OR51B5: variants seen among roughly 807,000 people sequenced by gnomAD.
OR51B5 encodes the protein olfactory receptor 51B5.
For missense variants in OR51B5, 456 were observed against 374.6 expected (o/e 1.22, Z -1.79); for synonymous variants, 186 against 144.8 (o/e 1.28, Z -2.04).
intron 1 of OR51B5, among the ~76,000 whole-genome samples, chr11:5,415,572 A>G (rs1313361113): frequency 1.3e-5 from 2 of 152,214 alleles, no homozygotes; most frequent in African/African-American, 4.8e-5. Flanking sequence ...AAATAGATGC[A>G]ATGAAAAATG....
chr11:5,421,756 A>G (rs1033077312), intron 1 of OR51B5, among the ~76,000 whole-genome samples: 1 of 152,240 alleles, frequency 6.6e-6, no homozygotes, highest in African/African-American at 2.4e-5. Context: ...CAAAAGTCAA[A>G]GGAGATATTT....
intron 1 of OR51B5, among the ~76,000 whole-genome samples, chr11:5,465,162 C>T (rs1157098755): frequency 2.1e-5 from 3 of 141,452 alleles, no homozygotes; most frequent in East Asian, 4.1e-4. Flanking sequence ...GCCGAGATCC[C>T]GCCACTGCAC....
chr11:5,386,497 C>T (rs1849697963), intron 1 of OR51B5, among the ~76,000 whole-genome samples: 1 of 152,224 alleles, frequency 6.6e-6, no homozygotes, highest in Non-Finnish European at 1.5e-5. Flanking sequence ...CTTTTCACAG[C>T]ATCTAAATCA....
intron 1 of OR51B5, among the ~76,000 whole-genome samples, chr11:5,449,874 A>G (rs1276061656): frequency 6.6e-6 from 1 of 152,196 alleles, no homozygotes; most frequent in Admixed American, 6.5e-5. Flanking sequence ...ACTGTAGATG[A>G]ACAATGAATA....
chr11:5,496,312 G>A (rs1424060615), intron 1 of OR51B5, among the ~76,000 whole-genome samples: 1 of 778 alleles, frequency 1.3e-3, no homozygotes, highest in Non-Finnish European at 4.0e-3. Context: ...TATCTCTTAT[G>A]CATTTCTGAG....
At chr11:5,342,543 T>G (rs374536180), downstream of OR51B5, 42 of 1,528,068 alleles carry the variant, frequency 2.7e-5, no homozygotes, top group Non-Finnish European at 3.7e-5. Context: ...TGCTAAATAT[T>G]AGAGTTTTTA....
intron 1 of OR51B5, chr11:5,403,157 TTATC>T (rs61459896): frequency 2.1e-6 from 1 of 471,090 alleles, no homozygotes; most frequent in East Asian, 6.9e-5. Flanking sequence ...CACCCCAATC[TTATC>T]TATCTTGTGG....
intron 1 of OR51B5, among the ~76,000 whole-genome samples, chr11:5,474,263 G>A (rs1851271314): frequency 6.6e-6 from 1 of 151,898 alleles, no homozygotes; most frequent in African/African-American, 2.4e-5. Context: ...TAAAATTATT[G>A]GTTGAGAAAA....
At chr11:5,382,089 C>T (rs1849616611) in intron 1 of OR51B5, among the ~76,000 whole-genome samples, 1 of 152,126 alleles carries the variant, frequency 6.6e-6, no homozygotes, top group African/African-American at 2.4e-5. Context: ...CTTTTTAAAC[C>T]CAACCATCAA....
At chr11:5,455,730 G>C (rs1850947847) in intron 1 of OR51B5, 1 of 152,052 alleles carries the variant, frequency 6.6e-6, no homozygotes, top group African/African-American at 2.4e-5. Context: ...TTTTCTCTTT[G>C]TATTGAGGAA....
intron 1 of OR51B5, among the ~76,000 whole-genome samples, chr11:5,460,878 G>A (rs1002156496): frequency 1.3e-5 from 2 of 152,220 alleles, no homozygotes; most frequent in Non-Finnish European, 2.9e-5. Context: ...CCTACATGCT[G>A]TAACCCTGGG....
chr11:5,420,985 C>T (rs922743711), intron 1 of OR51B5, among the ~76,000 whole-genome samples: 24 of 152,152 alleles, frequency 1.6e-4, no homozygotes, highest in Non-Finnish European at 2.4e-4. Context: ...ATCCCAGCTT[C>T]GGAGTACTTA....
chr11:5,432,476 T>C (rs1391620), intron 1 of OR51B5, among the ~76,000 whole-genome samples: 72,273 of 152,074 alleles, frequency 0.48, 18,636 homozygotes, highest in Non-Finnish European at 0.58. Flanking sequence ...GACATGAATG[T>C]AATAATACTA....
intron 1 of OR51B5, among the ~76,000 whole-genome samples, chr11:5,472,683 A>C (rs1186196542): frequency 6.6e-6 from 1 of 152,216 alleles, no homozygotes; most frequent in African/African-American, 2.4e-5. Flanking sequence ...GCTTGTCCTG[A>C]AGTGATCAAC....
chr11:5,402,765 G>A (rs1410499701), intron 1 of OR51B5: 1 of 471,448 alleles, frequency 2.1e-6, no homozygotes, highest in East Asian at 6.9e-5. Flanking sequence ...AACAGATATT[G>A]CCCTACATCA....
At chr11:5,447,900 C>T (rs376430990) in intron 1 of OR51B5, among the ~76,000 whole-genome samples, 65 of 152,288 alleles carry the variant, frequency 4.3e-4, no homozygotes, top group African/African-American at 1.5e-3. Context: ...CTCCCCTCAA[C>T]CCCCATCTCA....
upstream of OR51B5, among the ~76,000 whole-genome samples, chr11:5,347,650 A>C (rs1849013292): frequency 6.6e-6 from 1 of 151,932 alleles, no homozygotes. Context: ...AACCTCCAAC[A>C]GAGGAAAACC....
rs530497500 is a variant in OR51B5, at chr11:5,459,671, C to G, written n.84+45898G>C. ...TCTTTAGGGAAATGCAAGTCAAAAC[C>G]ACAATGGGATGCCATCTCCCATCAG... On this transcript the variant is annotated intron_variant and non_coding_transcript_variant, in intron 1 of 4. Coordinates refer to the OR51B5 transcript ENST00000415970. 1.1e-4 allele frequency among the ~76,000 whole-genome samples: 17 copies of G among 151,996 alleles called. No homozygotes were observed. The East Asian group carries it at 2.9e-3, about 26-fold the overall frequency.
chr11:5,382,620 G>A (rs1849626515), intron 1 of OR51B5, among the ~76,000 whole-genome samples: 1 of 152,102 alleles, frequency 6.6e-6, no homozygotes, highest in Non-Finnish European at 1.5e-5. Flanking sequence ...TTCTGGTAGT[G>A]GTGCCCTCTC....
Sources: gnomAD v4.1 joint callset for allele counts (sites outside exome capture counted in the v4.1 genomes callset) on GRCh38, gnomAD v4.1.1 for gene constraint, MANE v1.5 for transcripts, NCBI Gene and HGNC (gene_info 2026-07-23, HGNC 2026-07-21) for gene names.